The following PPP1R9A variants were observed in gnomAD, a reference collection of about 807,000 sequenced individuals.
The protein encoded by PPP1R9A is protein phosphatase 1 regulatory subunit 9A.
PPP1R9A carries 59 observed loss-of-function variants against 141.9 expected under a neutral mutation model. The ratio of observed to expected loss-of-function variants is 0.42; its 90% CI spans 0.34 to 0.52. PPP1R9A has a LOEUF of 0.52. Among genes scored for constraint, PPP1R9A ranks in the 20% least tolerant of loss-of-function variants. The pLI is 0.10. For synonymous variants in PPP1R9A, 500 were observed against 569.7 expected (o/e 0.88, Z 1.74); for missense variants, 1,444 against 1,611.9 (o/e 0.90, Z 1.78).
At chr7:94,950,970 A>C (rs1025766012) in intron 2 of PPP1R9A, among the ~76,000 whole-genome samples, 1 of 151,820 alleles carries the variant, frequency 6.6e-6, no homozygotes, top group African/African-American at 2.4e-5. Context: ...CTGGTCTCGA[A>C]CTCTTGGGCT....
chr7:95,261,628 C>G (rs1316962487), intron 12 of PPP1R9A, among the ~76,000 whole-genome samples: 2 of 151,988 alleles, frequency 1.3e-5, no homozygotes, highest in Non-Finnish European at 2.9e-5. Flanking sequence ...TTCTTTAAAT[C>G]TTTTAATTTG....
At chr7:95,237,321 A>G (rs1266483235) in intron 8 of PPP1R9A, among the ~76,000 whole-genome samples, 1 of 151,148 alleles carries the variant, frequency 6.6e-6, no homozygotes, top group Non-Finnish European at 1.5e-5. Flanking sequence ...TCGGCCTCCC[A>G]AGTAGCTGGG....
At chr7:94,961,017 G>A (rs1797580792) in intron 2 of PPP1R9A, among the ~76,000 whole-genome samples, 2 of 151,488 alleles carry the variant, frequency 1.3e-5, no homozygotes, top group African/African-American at 4.8e-5. Context: ...TCTGCTTGCA[G>A]GTTTCTATAG....
intron 7 of PPP1R9A, among the ~76,000 whole-genome samples, chr7:95,224,276 A>T (rs1158704100): frequency 6.6e-6 from 1 of 152,142 alleles, no homozygotes. Context: ...ACCTGTGATT[A>T]TATTTGGGGA....
chr7:95,114,929 C>A (rs116381866), intron 3 of PPP1R9A, among the ~76,000 whole-genome samples: 2,140 of 147,902 alleles, frequency 0.014, 50 homozygotes, highest in African/African-American at 0.049. Context: ...CACAGCAAAA[C>A]CTTTACTCAG....
At chr7:95,124,831 C>G (rs971900078) in intron 4 of PPP1R9A, among the ~76,000 whole-genome samples, 2 of 151,826 alleles carry the variant, frequency 1.3e-5, no homozygotes, top group African/African-American at 4.8e-5. Context: ...TTCTCCCCCT[C>G]CTCCCTCCTT....
At chr7:95,229,643 C>T (rs1208188074) in intron 8 of PPP1R9A, among the ~76,000 whole-genome samples, 1 of 152,154 alleles carries the variant, frequency 6.6e-6, no homozygotes, top group South Asian at 2.1e-4. Context: ...TGAGCTAAGA[C>T]ACTCCTGTCC....
chr7:94,919,558 T>A (rs1792527279), intron 2 of PPP1R9A, among the ~76,000 whole-genome samples: 1 of 152,188 alleles, frequency 6.6e-6, no homozygotes. Context: ...TGATGCTTAT[T>A]TCTATCCTAC....
intron 4 of PPP1R9A, among the ~76,000 whole-genome samples, chr7:95,160,195 T>C (rs1830267622): frequency 6.6e-6 from 1 of 152,144 alleles, no homozygotes; most frequent in Non-Finnish European, 1.5e-5. Flanking sequence ...CTTGTATGTA[T>C]ATGTAAGTAT....
In PPP1R9A at chr7:95,181,809, A is replaced by G. The variant is rs114109173; in HGVS notation, c.1755-16540A>G. 8.2e-3 allele frequency among the ~76,000 whole-genome samples: 1,182 copies of G among 143,526 alleles called. 27 individuals carry two copies. Among genetic ancestry groups the G allele is most frequent in the African/African-American group, 0.026 (974 of 37,778 alleles). The allele number at this position is 143,526 out of a possible 152,430, so 94.2% of individuals were successfully genotyped here. Reference sequence around the variant, plus strand: ...TATATATAGAATATATATATATTCCATCATATATATATACATATATGATAG... The same window carrying G: ...TATATATAGAATATATATATATTCCGTCATATATATATACATATATGATAG... On this transcript the variant is annotated intron_variant, in intron 5 of 19. Transcript: ENST00000433360.
chr7:95,100,937 C>G (rs2152397822), intron 2 of PPP1R9A, among the ~76,000 whole-genome samples: 1 of 148,122 alleles, frequency 6.8e-6, no homozygotes, highest in East Asian at 2.0e-4. Flanking sequence ...ACTGCAAGCT[C>G]CGCCTCCCGG....
At chr7:95,070,624 C>T (rs12704777) in intron 2 of PPP1R9A, among the ~76,000 whole-genome samples, 85,859 of 133,892 alleles carry the variant, frequency 0.64, 29,900 homozygotes, top group East Asian at 1. Context: ...CACACACACA[C>T]ATATATATAA....
At chr7:95,089,913 A>G (rs1007746025) in intron 2 of PPP1R9A, among the ~76,000 whole-genome samples, 1 of 151,950 alleles carries the variant, frequency 6.6e-6, no homozygotes, top group Non-Finnish European at 1.5e-5. Flanking sequence ...AAGCTCAGGA[A>G]ATTTCAACTG....
chr7:95,202,549 C>CT (rs1216360207), intron 6 of PPP1R9A: 55 of 834,394 alleles, frequency 6.6e-5, no homozygotes, highest in East Asian at 1.3e-4. Flanking sequence ...TTTCTCTTTT[C>CT]TTTTTTTTAA....
chr7:95,035,824 G>T (rs187199031), intron 2 of PPP1R9A: 3 of 152,166 alleles, frequency 2.0e-5, no homozygotes, highest in Admixed American at 1.3e-4. Flanking sequence ...AATGTCAGTC[G>T]TACGATTTTC....
chr7:95,012,995 G>A (rs1428567722), intron 2 of PPP1R9A, among the ~76,000 whole-genome samples: 1 of 152,096 alleles, frequency 6.6e-6, no homozygotes, highest in Non-Finnish European at 1.5e-5. Context: ...TATGTAGTAG[G>A]TTTTATTGAA....
At chr7:95,009,467 A>G (rs1243435222) in intron 2 of PPP1R9A, among the ~76,000 whole-genome samples, 1 of 152,174 alleles carries the variant, frequency 6.6e-6, no homozygotes, top group Non-Finnish European at 1.5e-5. Flanking sequence ...GTGGCTAGGT[A>G]GTAGGGAAGT....
chr7:94,973,451 G>GA (rs1287352682), intron 2 of PPP1R9A, among the ~76,000 whole-genome samples: 1 of 151,902 alleles, frequency 6.6e-6, no homozygotes, highest in African/African-American at 2.4e-5. Flanking sequence ...AGATGGATAA[G>GA]AAAAAAAGTG....
intron 5 of PPP1R9A, among the ~76,000 whole-genome samples, chr7:95,173,407 C>T (rs1334941929): frequency 4.6e-5 from 7 of 151,710 alleles, no homozygotes; most frequent in Non-Finnish European, 1.0e-4. Context: ...AACAAATCTG[C>T]ATATATACCC....
Sources: gnomAD v4.1 joint callset for allele counts (sites outside exome capture counted in the v4.1 genomes callset) on GRCh38, gnomAD v4.1.1 for gene constraint, MANE v1.5 for transcripts, NCBI Gene and HGNC (gene_info 2026-07-23, HGNC 2026-07-21) for gene names.